Variants in NUSAP1 observed in about 807,000 individuals in gnomAD.
NUSAP1 encodes the protein nucleolar and spindle associated protein 1, also known as nucleolar and spindle-associated protein 1.
NUSAP1 carries 32 observed loss-of-function variants against 52.8 expected under a neutral mutation model. The observed-to-expected ratio is 0.61, with a 90% CI of 0.46 to 0.81. The LOEUF (loss-of-function observed/expected upper bound fraction) is 0.81, where lower values mean the gene tolerates loss of function less well. Among genes scored for constraint, NUSAP1 ranks in the 40% least tolerant of loss-of-function variants. NUSAP1 has a pLI of 0.00. For synonymous variants in NUSAP1, 195 were observed against 183.1 expected (o/e 1.06, Z -0.52); for missense variants, 499 against 522.3 (o/e 0.96, Z 0.43).
chr15:41,367,042 TTGG>T (rs1370217122), intron 7 of NUSAP1, among the ~76,000 whole-genome samples: 1 of 151,962 alleles, frequency 6.6e-6, no homozygotes, highest in African/African-American at 2.4e-5. Flanking sequence ...GCTAAGAGAG[TTGG>T]TGGTGATGGT....
intron 1 of NUSAP1, among the ~76,000 whole-genome samples, chr15:41,337,300 T>C (rs923455533): frequency 3.9e-5 from 6 of 152,192 alleles, no homozygotes. Context: ...ATTACAGGCG[T>C]GAGACCCTAG....
chr15:41,358,797 T>G (rs1176382614), intron 6 of NUSAP1, among the ~76,000 whole-genome samples: 16 of 152,230 alleles, frequency 1.1e-4, no homozygotes, highest in Non-Finnish European at 2.9e-5. Flanking sequence ...AATGTCATTC[T>G]ACTTTCCATA....
chr15:41,370,700 A>G (rs1250631307), intron 7 of NUSAP1, among the ~76,000 whole-genome samples: 2 of 149,482 alleles, frequency 1.3e-5, no homozygotes. Context: ...CAGTGACCCA[A>G]CATCGCACCA....
At chr15:41,363,577 T>C (rs2049272803) in intron 6 of NUSAP1, among the ~76,000 whole-genome samples, 1 of 152,146 alleles carries the variant, frequency 6.6e-6, no homozygotes, top group East Asian at 1.9e-4. Context: ...CTCCCTATGT[T>C]GTCCAGGCTG....
chr15:41,376,667 G>A (rs1277599982), intron 9 of NUSAP1, among the ~76,000 whole-genome samples: 1 of 150,842 alleles, frequency 6.6e-6, no homozygotes, highest in African/African-American at 2.4e-5. Context: ...CTCCAGCCTG[G>A]GCGACAGAAC....
At position 41,356,342 on chromosome 15, in the gene NUSAP1, G is replaced by T. The variant is rs1035382853; in HGVS notation, c.550+202G>T. On this transcript the variant is annotated intron_variant, in intron 5 of 10. Coordinates refer to ENST00000559596, the MANE Select transcript of NUSAP1 (RefSeq NM_016359.5). The stretch of plus-strand genomic sequence containing the variant: ...AAAGTGGAAATAGTTATACTATAGT[G>T]CCTATTTCTTTCTTTTTTTTTTTTT... Among the ~76,000 whole-genome samples, 3 of 143,784 alleles carry T rather than the reference G, an allele frequency of 2.1e-5. No individual in the cohort carries two copies. The Admixed American group carries it at 2.3e-4, about 11-fold the overall frequency. 94.3% of individuals were successfully genotyped at this position (143,784 alleles called of 152,430 possible).
intron 6 of NUSAP1, 69 bp from the exon 7 acceptor site, chr15:41,365,333 T>G: frequency 1.5e-6 from 2 of 1,336,498 alleles, no homozygotes; most frequent in Non-Finnish European, 2.0e-6. Flanking sequence ...ATTTTTGTAT[T>G]TTTAGTAGAG....
At chr15:41,354,892 C>T (rs890040577) in intron 4 of NUSAP1, among the ~76,000 whole-genome samples, 6 of 151,118 alleles carry the variant, frequency 4.0e-5, no homozygotes, top group East Asian at 2.0e-4. Flanking sequence ...TGGGGGCGGG[C>T]GCCTATAGTC....
intron 2 of NUSAP1, among the ~76,000 whole-genome samples, chr15:41,347,973 T>G (rs571070776): frequency 7.3e-5 from 11 of 151,690 alleles, no homozygotes; most frequent in Admixed American, 1.3e-4. Context: ...ATTAAAACAA[T>G]TAGCTTACGT....
chr15:41,343,937 G>T (rs1595536304), intron 2 of NUSAP1, among the ~76,000 whole-genome samples: 1 of 151,452 alleles, frequency 6.6e-6, no homozygotes, highest in Admixed American at 6.6e-5. Flanking sequence ...AAAATTATAG[G>T]CCAGGCGCAG....
chr15:41,374,577 G>T (rs2049841619), intron 8 of NUSAP1, among the ~76,000 whole-genome samples: 1 of 152,226 alleles, frequency 6.6e-6, no homozygotes, highest in South Asian at 2.1e-4. Context: ...CGCCAGGCTG[G>T]AGTGCTGTGG....
chr15:41,363,654 T>C (rs571918018), intron 6 of NUSAP1, among the ~76,000 whole-genome samples: 87 of 152,196 alleles, frequency 5.7e-4, no homozygotes, highest in Non-Finnish European at 1.1e-3. Context: ...ATTATAGGCA[T>C]GGGCCACCAG....
Position 41,351,113 on chromosome 15 carries a change from G to A in NUSAP1, c.432G>A (p.Glu144=). The change falls in exon 4 of 11, where the codon GAG becomes GAA. Residue 144 remains glutamate (E), a synonymous_variant. Coordinates refer to ENST00000559596, the MANE Select transcript of NUSAP1 (RefSeq NM_016359.5). The stretch of plus-strand genomic sequence containing the variant: ...CACCAGACGAGCACCAAGAAGCTGA[G>A]AATGCTGTTTCCTCAGGTAAACGTG... ...PSPPDEHQEA[E]NAVSSGNRDS... The A allele has an allele frequency of 1.2e-6, 2 of 1,612,034 alleles. No individual in the cohort carries two copies. The highest frequency in any genetic ancestry group is 2.2e-5 in the South Asian group (2 of 90,442).
intron 5 of NUSAP1, among the ~76,000 whole-genome samples, chr15:41,357,191 A>C (rs557739420): frequency 7.6e-4 from 116 of 152,108 alleles, no homozygotes; most frequent in African/African-American, 2.7e-3. Flanking sequence ...AGCATGGTGA[A>C]ACCCCATCTC....
intron 4 of NUSAP1, among the ~76,000 whole-genome samples, chr15:41,354,968 C>T (rs1358807914): frequency 1.3e-5 from 2 of 149,614 alleles, no homozygotes; most frequent in Non-Finnish European, 3.0e-5. Context: ...TGCAGTGAGC[C>T]GAGATCACGC....
At chr15:41,353,539 T>C (rs1310245850) in intron 4 of NUSAP1, among the ~76,000 whole-genome samples, 1 of 152,212 alleles carries the variant, frequency 6.6e-6, no homozygotes, top group Non-Finnish European at 1.5e-5. Flanking sequence ...AGAACATTCC[T>C]CTGCCTTGTT....
chr15:41,342,735 G>A (rs1362615651), intron 2 of NUSAP1, among the ~76,000 whole-genome samples: 2 of 152,150 alleles, frequency 1.3e-5, no homozygotes, highest in African/African-American at 4.8e-5. Context: ...CTACTCAGGA[G>A]GCTGAGACAG....
intron 2 of NUSAP1, among the ~76,000 whole-genome samples, chr15:41,344,722 C>G (rs750777789): frequency 3.9e-5 from 6 of 152,066 alleles, no homozygotes; most frequent in Non-Finnish European, 7.4e-5. Context: ...GGGTGGATCA[C>G]CTGAGGTCAG....
intron 8 of NUSAP1, among the ~76,000 whole-genome samples, chr15:41,374,785 A>G (rs1259302821): frequency 6.6e-6 from 1 of 151,996 alleles, no homozygotes; most frequent in Admixed American, 6.6e-5. Context: ...TCGGCCTCCC[A>G]AAGTGCTGGG....
Sources: gnomAD v4.1 joint callset for allele counts (sites outside exome capture counted in the v4.1 genomes callset) on GRCh38, gnomAD v4.1.1 for gene constraint, MANE v1.5 for transcripts, NCBI Gene and HGNC (gene_info 2026-07-23, HGNC 2026-07-21) for gene names.